KCTD16: variants seen among roughly 807,000 people sequenced by gnomAD.
The protein encoded by KCTD16 is potassium channel tetramerization domain containing 16.
A neutral mutation model predicts 33.2 loss-of-function variants in KCTD16; 13 were observed. The observed-to-expected ratio is 0.39, with a 90% CI of 0.25 to 0.62. The LOEUF (loss-of-function observed/expected upper bound fraction) is 0.62. KCTD16 is among the 20% of genes least tolerant of loss of function. KCTD16 has a pLI of 0.50. For missense variants in KCTD16, 441 were observed against 525.1 expected (o/e 0.84, Z 1.57); for synonymous variants, 197 against 195.3 (o/e 1.01, Z -0.07).
At chr5:144,200,850 C>G (rs974692519) in intron 2 of KCTD16, among the ~76,000 whole-genome samples, 10 of 152,200 alleles carry the variant, frequency 6.6e-5, no homozygotes, top group East Asian at 1.9e-4. Flanking sequence ...TATTCTCCCC[C>G]CTCAGCCTCC....
At chr5:144,286,890 A>C (rs775593940) in intron 3 of KCTD16, among the ~76,000 whole-genome samples, 3 of 152,224 alleles carry the variant, frequency 2.0e-5, no homozygotes, top group Non-Finnish European at 4.4e-5. Flanking sequence ...AATCGTAATA[A>C]TAGGCCTGAC....
chr5:144,266,108 G>A (rs923267179), intron 3 of KCTD16, among the ~76,000 whole-genome samples: 2 of 152,118 alleles, frequency 1.3e-5, no homozygotes, highest in South Asian at 2.1e-4. Flanking sequence ...TGAGAGGTTG[G>A]GGACAGCCTT....
At chr5:144,418,968 A>C (rs1393279371) in intron 3 of KCTD16, among the ~76,000 whole-genome samples, 1 of 152,158 alleles carries the variant, frequency 6.6e-6, no homozygotes, top group South Asian at 2.1e-4. Context: ...GCTCATGCTT[A>C]TTCCACCAAG....
chr5:144,371,531 G>A (rs1751966673), intron 3 of KCTD16, among the ~76,000 whole-genome samples: 1 of 152,062 alleles, frequency 6.6e-6, no homozygotes, highest in Non-Finnish European at 1.5e-5. Flanking sequence ...TTCCCACCAG[G>A]GAGGACTTCA....
chr5:144,214,023 T>A (rs981218382), intron 3 of KCTD16, among the ~76,000 whole-genome samples: 1 of 152,100 alleles, frequency 6.6e-6, no homozygotes, highest in African/African-American at 2.4e-5. Flanking sequence ...TACATTTGAG[T>A]ATCTTTGTAT....
intron 2 of KCTD16, among the ~76,000 whole-genome samples, chr5:144,205,002 GA>G (rs934533520): frequency 4.5e-4 from 68 of 151,960 alleles, no homozygotes; most frequent in African/African-American, 1.6e-3. Context: ...GAGGAGGGGG[GA>G]GGGGGGAAGA....
chr5:144,291,689 A>G (rs1561555739), intron 3 of KCTD16, among the ~76,000 whole-genome samples: 1 of 152,236 alleles, frequency 6.6e-6, no homozygotes, highest in Non-Finnish European at 1.5e-5. Context: ...CCTAAAAATC[A>G]TTAAACCAGG....
chr5:144,190,093 C>A (rs139006562), intron 2 of KCTD16, among the ~76,000 whole-genome samples: 2 of 152,264 alleles, frequency 1.3e-5, no homozygotes, highest in Non-Finnish European at 2.9e-5. Flanking sequence ...ACCCCACCCG[C>A]AGCCAGGCAC....
At chr5:144,202,613 G>T (rs1176929562) in intron 2 of KCTD16, among the ~76,000 whole-genome samples, 1 of 152,086 alleles carries the variant, frequency 6.6e-6, no homozygotes, top group African/African-American at 2.4e-5. Context: ...GCTTTTCTGA[G>T]GTTCCATTTA....
chr5:144,400,079 A>G (rs1441928439), intron 3 of KCTD16, among the ~76,000 whole-genome samples: 1 of 152,160 alleles, frequency 6.6e-6, no homozygotes, highest in Non-Finnish European at 1.5e-5. Flanking sequence ...TGCATGATAC[A>G]AATTAATCCT....
In KCTD16 at chr5:144,206,987, C is replaced by A; in HGVS notation, c.273C>A (p.Asp91Glu). The change falls in exon 3 of 4, where the codon GAC becomes GAA. Residue 91 changes from aspartate (D) to glutamate (E), a missense_variant. Transcript: ENST00000512467. Reference protein sequence around the residue: ...LFRYILDYLRDRQVVLPDHFP... With the variant: ...LFRYILDYLRERQVVLPDHFP... ...GTTATATTCTGGACTATCTCAGGGACAGGCAGGTGGTCCTGCCTGATCACT... is the reference window on the plus strand; with the variant it reads ...GTTATATTCTGGACTATCTCAGGGAAAGGCAGGTGGTCCTGCCTGATCACT... 5 of 1,614,192 alleles carry A rather than the reference C, an allele frequency of 3.1e-6. No individual in the cohort carries two copies. Among genetic ancestry groups the A allele is most frequent in the Non-Finnish European group, 4.2e-6 (5 of 1,180,036 alleles).
At chr5:144,420,567 G>A (rs994580637) in intron 3 of KCTD16, among the ~76,000 whole-genome samples, 9 of 151,968 alleles carry the variant, frequency 5.9e-5, no homozygotes, top group African/African-American at 1.2e-4. Flanking sequence ...CAGAGGCCAT[G>A]GTTATAATAG....
intron 3 of KCTD16, among the ~76,000 whole-genome samples, chr5:144,371,514 T>A (rs1218472885): frequency 6.6e-6 from 1 of 152,154 alleles, no homozygotes; most frequent in Non-Finnish European, 1.5e-5. Context: ...TATCTGTTTC[T>A]CACACATTCC....
At chr5:144,176,748 A>G (rs1752519808) in intron 2 of KCTD16, among the ~76,000 whole-genome samples, 1 of 152,162 alleles carries the variant, frequency 6.6e-6, no homozygotes, top group African/African-American at 2.4e-5. Context: ...ATTTTATTAT[A>G]CTCAACAAGA....
chr5:144,399,172 G>A (rs954210940), intron 3 of KCTD16, among the ~76,000 whole-genome samples: 4 of 152,126 alleles, frequency 2.6e-5, no homozygotes, highest in Non-Finnish European at 4.4e-5. Context: ...TGAACTTTAG[G>A]AACATACGTG....
chr5:144,229,768 T>A (rs1754042457), intron 3 of KCTD16, among the ~76,000 whole-genome samples: 1 of 152,122 alleles, frequency 6.6e-6, no homozygotes, highest in East Asian at 1.9e-4. Context: ...GAAAAGGAGT[T>A]GGGAGATTTT....
intron 3 of KCTD16, among the ~76,000 whole-genome samples, chr5:144,265,280 A>G (rs1204463931): frequency 1.3e-5 from 2 of 152,234 alleles, no homozygotes; most frequent in African/African-American, 4.8e-5. Flanking sequence ...AGTTAAAAAC[A>G]GTGAAAACAA....
chr5:144,187,511 A>G (rs1309313338), intron 2 of KCTD16, among the ~76,000 whole-genome samples: 2 of 152,188 alleles, frequency 1.3e-5, no homozygotes, highest in Non-Finnish European at 2.9e-5. Flanking sequence ...TCTAGCTATA[A>G]CAAAATATCA....
chr5:144,194,773 C>T (rs1221987510), intron 2 of KCTD16, among the ~76,000 whole-genome samples: 2 of 152,118 alleles, frequency 1.3e-5, no homozygotes, highest in African/African-American at 4.8e-5. Context: ...TGGGATTCGA[C>T]CCCAGGACTC....
Sources: allele counts gnomAD v4.1 joint callset (sites outside exome capture counted in the v4.1 genomes callset), GRCh38; gene constraint gnomAD v4.1.1; transcripts MANE v1.5; gene names NCBI Gene and HGNC (gene_info 2026-07-23, HGNC 2026-07-21).